Variants in DTNB observed in about 807,000 individuals in gnomAD.
DTNB encodes the protein DTN-B.
In DTNB, 63 loss-of-function variants were observed where a neutral mutation model predicts 90.7. The ratio of observed to expected loss-of-function variants is 0.69; its 90% CI spans 0.57 to 0.86. The LOEUF is 0.86. Among genes scored for constraint, DTNB ranks in the 40% least tolerant of loss-of-function variants. The pLI, the probability that DTNB is intolerant of heterozygous loss-of-function variation, is 0.00. For synonymous variants in DTNB, 277 were observed against 286.7 expected, an observed-to-expected ratio of 0.97 and a Z score of 0.34; for missense variants, 744 against 807.1, an observed-to-expected ratio of 0.92 and a Z score of 0.95.
intron 16 of DTNB, among the ~76,000 whole-genome samples, chr2:25,407,892 C>CA (rs1483931224): frequency 6.6e-6 from 1 of 152,096 alleles, no homozygotes; most frequent in East Asian, 1.9e-4. Flanking sequence ...TCCATGTAAC[C>CA]AAAAACCACT....
chr2:25,409,539 T>C (rs888484877), intron 16 of DTNB, among the ~76,000 whole-genome samples: 3 of 152,196 alleles, frequency 2.0e-5, no homozygotes, highest in Admixed American at 2.0e-4. Flanking sequence ...GGAGTGACAT[T>C]ATTTGACAGG....
At chr2:25,383,912 GC>G in intron 18 of DTNB, 23 bp from the exon 19 acceptor site, 1 of 1,613,978 alleles carries the variant, frequency 6.2e-7, no homozygotes, top group Non-Finnish European at 8.5e-7. Flanking sequence ...GTCCAAGGAG[GC>G]CAGTGACCCT....
intron 19 of DTNB, among the ~76,000 whole-genome samples, chr2:25,382,558 T>C (rs971072660): frequency 7.9e-6 from 1 of 126,606 alleles, no homozygotes; most frequent in African/African-American, 3.1e-5. Flanking sequence ...AGACAGAGTC[T>C]CTCTTTGTTG....
At chr2:25,407,475 T>C (rs2045495767) in intron 16 of DTNB, among the ~76,000 whole-genome samples, 4 of 152,158 alleles carry the variant, frequency 2.6e-5, no homozygotes, top group Admixed American at 2.0e-4. Flanking sequence ...CGCACACATA[T>C]GTTTACTGCA....
At chr2:25,555,590 C>A (rs2057193002) in intron 8 of DTNB, among the ~76,000 whole-genome samples, 1 of 152,104 alleles carries the variant, frequency 6.6e-6, no homozygotes, top group Non-Finnish European at 1.5e-5. Flanking sequence ...ATAATAAACA[C>A]ACACAAAATC....
intron 8 of DTNB, among the ~76,000 whole-genome samples, chr2:25,564,462 C>T (rs1026947485): frequency 1.1e-4 from 16 of 152,004 alleles, no homozygotes; most frequent in African/African-American, 3.6e-4. Flanking sequence ...CTAACTGCAA[C>T]CTCCACCTTC....
At chr2:25,421,654 A>T (rs929818763) in intron 15 of DTNB, among the ~76,000 whole-genome samples, 1 of 152,224 alleles carries the variant, frequency 6.6e-6, no homozygotes, top group Non-Finnish European at 1.5e-5. Flanking sequence ...GGGCAATCCT[A>T]ACAGGCTGAA....
chr2:25,601,399 C>A (rs1041337506), intron 5 of DTNB, among the ~76,000 whole-genome samples: 1 of 152,112 alleles, frequency 6.6e-6, no homozygotes. Context: ...TGTGAAAAAC[C>A]CACAATCAAG....
chr2:25,539,888 C>A (rs557916544), intron 8 of DTNB, among the ~76,000 whole-genome samples: 2 of 152,094 alleles, frequency 1.3e-5, no homozygotes, highest in African/African-American at 4.8e-5. Context: ...GAAATAATGT[C>A]TTGATAGGCA....
intron 9 of DTNB, among the ~76,000 whole-genome samples, chr2:25,491,219 G>C (rs1182931909): frequency 6.6e-6 from 1 of 151,852 alleles, no homozygotes. Context: ...CGAGGGAGGA[G>C]AAACTATGGT....
At chr2:25,558,422 A>G in intron 8 of DTNB, 1 of 985,424 alleles carries the variant, frequency 1.0e-6, no homozygotes, top group Middle Eastern at 5.2e-4. Flanking sequence ...AAGAACAAAA[A>G]AAAGATCTAA....
At chr2:25,434,941 G>C (rs1400016849) in intron 12 of DTNB, among the ~76,000 whole-genome samples, 1 of 151,916 alleles carries the variant, frequency 6.6e-6, no homozygotes, top group East Asian at 1.9e-4. Context: ...TAGGTATCAA[G>C]TTCTCAATAG....
intron 9 of DTNB, among the ~76,000 whole-genome samples, chr2:25,517,357 G>A (rs1254509553): frequency 2.0e-5 from 3 of 152,096 alleles, no homozygotes; most frequent in Admixed American, 6.6e-5. Flanking sequence ...ACAGGATGGT[G>A]GCAATGGTTG....
Position 25,628,315 on chromosome 2 carries a change from G to A in DTNB, c.218C>T (p.Thr73Ile), listed in dbSNP as rs757433195. ...GAGGCGGGACACACTGATCTCGGTG[G>A]TATGGTCCAGTGTATTAAGGCCATT... Reference protein sequence around the residue: ...RDNGLNTLDHTTEISVSRLET... With the variant: ...RDNGLNTLDHITEISVSRLET... Residue 73 changes from threonine (T) to isoleucine (I), a missense_variant, in exon 4 of 21, where the codon ACC (threonine) becomes ATC (isoleucine). Transcript: ENST00000406818. 1 of 1,613,510 alleles carries A rather than the reference G, an allele frequency of 6.2e-7. No homozygotes were observed. The highest frequency in any genetic ancestry group is 1.7e-5 in the Admixed American group (1 of 59,960).
intron 18 of DTNB, among the ~76,000 whole-genome samples, chr2:25,386,502 A>G (rs1023992965): frequency 6.6e-6 from 1 of 152,248 alleles, no homozygotes; most frequent in East Asian, 1.9e-4. Context: ...GAGGGAAACC[A>G]TTAGTTTAAC....
intron 10 of DTNB, among the ~76,000 whole-genome samples, chr2:25,474,711 A>G (rs867357630): frequency 2.0e-4 from 30 of 152,178 alleles, no homozygotes; most frequent in African/African-American, 6.8e-4. Context: ...TGCTTTTTAC[A>G]AATTGAACAT....
At chr2:25,564,994 A>G (rs1239535643) in intron 8 of DTNB, among the ~76,000 whole-genome samples, 1 of 152,142 alleles carries the variant, frequency 6.6e-6, no homozygotes, top group Non-Finnish European at 1.5e-5. Flanking sequence ...TTTATTATCT[A>G]TAATGGTTTT....
intron 16 of DTNB, among the ~76,000 whole-genome samples, chr2:25,405,991 T>C (rs549020350): frequency 2.2e-4 from 34 of 152,072 alleles, no homozygotes; most frequent in African/African-American, 7.5e-4. Flanking sequence ...AGAGCAACTT[T>C]TGGGAGAAAA....
intron 3 of DTNB, among the ~76,000 whole-genome samples, chr2:25,636,721 A>G (rs1463160403): frequency 2.6e-5 from 4 of 152,270 alleles, no homozygotes; most frequent in South Asian, 2.1e-4. Flanking sequence ...GCCTTACCAC[A>G]TAAGTTGCAT....
Sources: allele counts gnomAD v4.1 joint callset (sites outside exome capture counted in the v4.1 genomes callset), GRCh38; gene constraint gnomAD v4.1.1; transcripts MANE v1.5; gene names NCBI Gene and HGNC (gene_info 2026-07-23, HGNC 2026-07-21).